PPP2R2B: variants seen among roughly 807,000 people sequenced by gnomAD.
PPP2R2B encodes serine/threonine-protein phosphatase 2A 55 kDa regulatory subunit B beta isoform.
In PPP2R2B, 5 loss-of-function variants were observed where a neutral mutation model predicts 46.0. That is an observed-to-expected ratio of 0.11 (90% confidence interval 0.06 to 0.23). The LOEUF is 0.23. PPP2R2B is among the 10% of genes least tolerant of loss of function. The probability of loss-of-function intolerance (pLI) is 1.00; values close to 1 mark genes in which losing one functional copy is unlikely to be tolerated. For missense variants in PPP2R2B, 367 were observed against 575.0 expected (o/e 0.64, Z 3.70); for synonymous variants, 215 against 206.7 (o/e 1.04, Z -0.34).
At position 146,687,106 on chromosome 5, in the gene PPP2R2B, G is replaced by A. The variant is rs150543071; in HGVS notation, c.447+4022C>T. Among the ~76,000 whole-genome samples, 513 of 151,586 alleles carry A rather than the reference G, an allele frequency of 3.4e-3. 2 individuals are homozygous for A. The highest frequency in any genetic ancestry group is 0.021 in the Middle Eastern group (6 of 292). ...AGAGAGGGAGAGGAAGAGAGGGAGA[G>A]GGAGAGAGAGGGAGCGATTGATCGA... On this transcript the variant is annotated intron_variant, in intron 5 of 9. Transcript: ENST00000394411.
chr5:146,794,598 T>A (rs1378710555), intron 2 of PPP2R2B, among the ~76,000 whole-genome samples: 1 of 152,204 alleles, frequency 6.6e-6, no homozygotes, highest in Non-Finnish European at 1.5e-5. Context: ...AATGCGCATA[T>A]AACTCCAATA....
chr5:146,807,182 G>A (rs1277742082), intron 2 of PPP2R2B, among the ~76,000 whole-genome samples: 1 of 152,136 alleles, frequency 6.6e-6, no homozygotes, highest in Admixed American at 6.5e-5. Context: ...AGAATCACTG[G>A]TCTTCAAGAT....
At chr5:146,650,809 C>T in intron 5 of PPP2R2B, 85 bp from the exon 6 acceptor site, 1 of 1,274,828 alleles carries the variant, frequency 7.8e-7, no homozygotes, top group Non-Finnish European at 1.1e-6. Context: ...TTTATTATCA[C>T]ACACAAAATA....
intron 2 of PPP2R2B, among the ~76,000 whole-genome samples, chr5:146,777,554 A>G (rs575212972): frequency 1.3e-5 from 2 of 152,302 alleles, no homozygotes; most frequent in South Asian, 2.1e-4. Context: ...ATAATTGCAC[A>G]ACACTGTGAA....
chr5:146,778,010 G>C (rs940587551), intron 2 of PPP2R2B, among the ~76,000 whole-genome samples: 4 of 152,194 alleles, frequency 2.6e-5, no homozygotes, highest in African/African-American at 9.6e-5. Flanking sequence ...TGTTAGACAA[G>C]ATGAGGGTCT....
chr5:146,676,362 C>T (rs1223237629), intron 5 of PPP2R2B, among the ~76,000 whole-genome samples: 1 of 152,112 alleles, frequency 6.6e-6, no homozygotes, highest in African/African-American at 2.4e-5. Context: ...TGGCCATAAG[C>T]TGCCTCACCA....
At chr5:146,820,211 C>T (rs964316156) in intron 2 of PPP2R2B, among the ~76,000 whole-genome samples, 1 of 152,088 alleles carries the variant, frequency 6.6e-6, no homozygotes, top group African/African-American at 2.4e-5. Context: ...TGAGTGTTCT[C>T]ACCACAAAGA....
intron 2 of PPP2R2B, among the ~76,000 whole-genome samples, chr5:146,853,371 TC>T (rs1760466125): frequency 6.6e-6 from 1 of 152,188 alleles, no homozygotes; most frequent in South Asian, 2.1e-4. Flanking sequence ...ATTATCCTGC[TC>T]ATCTCTATAT....
Position 146,582,934 on chromosome 5 carries a change from T to C in PPP2R2B, c.*7013A>G, listed in dbSNP as rs1411223579. On this transcript the variant is annotated 3_prime_UTR_variant, in exon 10 of 10. Transcript: ENST00000394411. ...CTGGCTATTGGAGAAGCTCCTGATA[T>C]GTGAACCACACTAAGTCCATGCATT... 1 of 152,250 alleles carries C rather than the reference T, an allele frequency of 6.6e-6. No homozygotes were observed. Among genetic ancestry groups the C allele is most frequent in the African/African-American group, 2.4e-5 (1 of 41,456 alleles). 9.4% of individuals were successfully genotyped at this position (152,250 alleles called of 1,614,324 possible).
chr5:147,064,010 C>G (rs1437729713), intron 2 of PPP2R2B, among the ~76,000 whole-genome samples: 1 of 152,172 alleles, frequency 6.6e-6, no homozygotes, highest in East Asian at 1.9e-4. Context: ...ACCTGTTGTT[C>G]TTACAGTAAG....
chr5:146,730,132 T>C (rs1236239357), intron 2 of PPP2R2B, among the ~76,000 whole-genome samples: 1 of 152,196 alleles, frequency 6.6e-6, no homozygotes, highest in African/African-American at 2.4e-5. Flanking sequence ...GTGACCTGGA[T>C]ATGAGACCTG....
chr5:146,972,490 T>A (rs1035279176), intron 1 of PPP2R2B, among the ~76,000 whole-genome samples: 2 of 152,054 alleles, frequency 1.3e-5, no homozygotes, highest in African/African-American at 4.8e-5. Context: ...GGCGGGTGGA[T>A]CACCTGAGGT....
chr5:146,938,603 A>G (rs937354191), intron 1 of PPP2R2B, among the ~76,000 whole-genome samples: 1 of 152,166 alleles, frequency 6.6e-6, no homozygotes, highest in African/African-American at 2.4e-5. Context: ...GTGAAAAAAT[A>G]TATTTACATT....
chr5:146,820,050 G>T (rs542589437), intron 2 of PPP2R2B, among the ~76,000 whole-genome samples: 21 of 152,246 alleles, frequency 1.4e-4, no homozygotes, highest in African/African-American at 3.6e-4. Context: ...TAGAATTGTG[G>T]TTACCAGAAA....
chr5:146,734,997 T>A (rs1181773554), intron 2 of PPP2R2B, among the ~76,000 whole-genome samples: 1 of 152,094 alleles, frequency 6.6e-6, no homozygotes, highest in Non-Finnish European at 1.5e-5. Flanking sequence ...CTAGAAGAAG[T>A]AAGAAGGCCA....
chr5:146,879,445 T>A (rs1294308261), upstream of PPP2R2B, among the ~76,000 whole-genome samples: 1 of 152,190 alleles, frequency 6.6e-6, no homozygotes, highest in East Asian at 1.9e-4. Context: ...CACTTCGTTT[T>A]GGACAAATTA....
At chr5:147,075,306 C>G (rs1041560624) in intron 2 of PPP2R2B, among the ~76,000 whole-genome samples, 1 of 152,122 alleles carries the variant, frequency 6.6e-6, no homozygotes, top group Non-Finnish European at 1.5e-5. Flanking sequence ...TGCAATAACT[C>G]AACTAAGTCA....
intron 1 of PPP2R2B, among the ~76,000 whole-genome samples, chr5:147,037,236 T>C (rs950907198): frequency 4.6e-5 from 7 of 152,146 alleles, no homozygotes; most frequent in African/African-American, 1.7e-4. Flanking sequence ...AAAGAGTCTA[T>C]ACCACAGGCT....
chr5:146,618,967 T>G (rs181934461), intron 7 of PPP2R2B, among the ~76,000 whole-genome samples: 1 of 152,308 alleles, frequency 6.6e-6, no homozygotes, highest in East Asian at 1.9e-4. Flanking sequence ...AGTGACTCTG[T>G]GTGGCTGATA....
Sources: gnomAD v4.1 joint callset for allele counts (sites outside exome capture counted in the v4.1 genomes callset) on GRCh38, gnomAD v4.1.1 for gene constraint, MANE v1.5 for transcripts, NCBI Gene and HGNC (gene_info 2026-07-23, HGNC 2026-07-21) for gene names.